Variants in SLC25A24 observed in about 807,000 individuals in gnomAD.
SLC25A24 encodes solute carrier family 25 member 24, also known as mitochondrial adenyl nucleotide antiporter SLC25A24.
Under a neutral mutation model 60.7 loss-of-function variants are expected in SLC25A24, and 49 were observed. That is an observed-to-expected ratio of 0.81 (90% CI 0.64 to 1.02). The LOEUF (loss-of-function observed/expected upper bound fraction) is 1.02. Ranked by LOEUF, SLC25A24 falls within the 50% of genes least tolerant of loss-of-function variation. The pLI, the probability that SLC25A24 is intolerant of heterozygous loss-of-function variation, is 0.00. For missense variants in SLC25A24, 564 were observed against 586.3 expected (o/e 0.96, Z 0.39); for synonymous variants, 202 against 200.6 (o/e 1.01, Z -0.06).
At chr1:108,149,090 C>G (rs1460160869) in intron 6 of SLC25A24, among the ~76,000 whole-genome samples, 1 of 152,034 alleles carries the variant, frequency 6.6e-6, no homozygotes, top group Non-Finnish European at 1.5e-5. Context: ...GATATTTTCC[C>G]CACAGTTTTT....
chr1:108,145,373 T>A (rs1380131626), intron 7 of SLC25A24, among the ~76,000 whole-genome samples: 1 of 152,188 alleles, frequency 6.6e-6, no homozygotes, highest in Non-Finnish European at 1.5e-5. Context: ...GCCGGTTCAC[T>A]CTGATGATAG....
chr1:108,180,966 A>AAGAATATTACTTTAGAAGC (rs1647905938), intron 3 of SLC25A24, among the ~76,000 whole-genome samples: 1 of 152,348 alleles, frequency 6.6e-6, no homozygotes, highest in Non-Finnish European at 1.5e-5. Context: ...ACTTTCCTAT[A>AAGAATATTACTTTAGAAGC]AGAATATTAC....
Position 108,199,983 on chromosome 1 carries a change from G to A in SLC25A24, c.156C>T (p.Gly52=). The change falls in exon 1 of 10, where the codon GGC becomes GGT. Residue 52 remains glycine, a synonymous_variant. Transcript: ENST00000565488. ...GELQEGLRNL[G]IPLGQDAEEK... is the part of the protein sequence containing the mutation. The stretch of plus-strand genomic sequence containing the variant: ...CCTCGGCGTCCTGGCCCAGAGGGAT[G>A]CCCAGGTTCCTGAGCCCCTCCTGCA... 7 of 1,610,656 alleles carry A rather than the reference G, an allele frequency of 4.3e-6. No homozygotes were observed. Among genetic ancestry groups the A allele is most frequent in the South Asian group, 1.1e-5 (1 of 90,058 alleles).
chr1:108,196,662 A>AGGAGAT (rs1462607756), intron 1 of SLC25A24, among the ~76,000 whole-genome samples: 1 of 152,224 alleles, frequency 6.6e-6, no homozygotes, highest in Non-Finnish European at 1.5e-5. Context: ...TCGAAGTGCT[A>AGGAGAT]GGAGATTTAC....
At chr1:108,168,973 C>T (rs1647340629) in intron 3 of SLC25A24, among the ~76,000 whole-genome samples, 1 of 152,194 alleles carries the variant, frequency 6.6e-6, no homozygotes, top group Admixed American at 6.5e-5. Flanking sequence ...TATAGTTTAA[C>T]TTTCACGTTT....
chr1:108,139,715 G>A (rs1349694060), intron 8 of SLC25A24, among the ~76,000 whole-genome samples: 2 of 152,040 alleles, frequency 1.3e-5, no homozygotes, highest in Admixed American at 6.6e-5. Flanking sequence ...AGGTTCAAAC[G>A]ATTCTTCTGC....
At chr1:108,164,323 G>T (rs1285741864) in intron 3 of SLC25A24, among the ~76,000 whole-genome samples, 1 of 151,316 alleles carries the variant, frequency 6.6e-6, no homozygotes, top group Non-Finnish European at 1.5e-5. Context: ...AGTTAGGGAG[G>T]ATTCCCTCTT....
chr1:108,185,945 T>TAA lies in SLC25A24; in HGVS notation c.191_192dup (p.Thr65LeufsTer18). On this transcript the variant is annotated frameshift_variant, in exon 2 of 10. Coordinates refer to ENST00000565488, the MANE Select transcript of SLC25A24 (RefSeq NM_013386.5). LOFTEE classifies it high-confidence loss of function. ...CCATCTTTGTTGACATCTCCAGTAG[T>TAA]AAAAATTTTCTATAAAAAAAAATTA... The TAA allele has an allele frequency of 2.5e-6, 4 of 1,581,192 alleles. No homozygotes were observed. Among genetic ancestry groups the TAA allele is most frequent in the Non-Finnish European group, 3.4e-6 (4 of 1,163,912 alleles).
At chr1:108,187,632 T>G (rs1227110540) in intron 1 of SLC25A24, among the ~76,000 whole-genome samples, 4 of 152,174 alleles carry the variant, frequency 2.6e-5, no homozygotes, top group African/African-American at 9.6e-5. Flanking sequence ...TAAAGAAATT[T>G]AAAGTGTAAT....
intron 3 of SLC25A24, among the ~76,000 whole-genome samples, chr1:108,163,112 C>T (rs1243187485): frequency 1.7e-4 from 22 of 127,636 alleles, no homozygotes; most frequent in Admixed American, 1.3e-3. Context: ...TGTAGATATG[C>T]GGCGTTATTT....
chr1:108,158,776 C>T (rs927823163), intron 4 of SLC25A24, among the ~76,000 whole-genome samples: 131 of 149,950 alleles, frequency 8.7e-4, no homozygotes, highest in Non-Finnish European at 2.1e-4. Context: ...GCGAGGCGGG[C>T]GGATTACAAG....
rs58815373 is a variant in SLC25A24 at position 108,155,950 on chromosome 1, A to AACACACACACAC, written c.670-827_670-816dup. Among the ~76,000 whole-genome samples, 13 of 149,146 alleles carry AACACACACACAC rather than the reference A, an allele frequency of 8.7e-5. 1 individual carries two copies. Among genetic ancestry groups the AACACACACACAC allele is most frequent in the African/African-American group, 3.2e-4 (13 of 40,484 alleles). On this transcript the variant is annotated intron_variant, in intron 5 of 9. Transcript: ENST00000565488. ...CACATAAAAGGGGTGACTACCACTA[A>AACACACACACAC]ACACACACACACACACACACACACA...
chr1:108,144,974 T>C (rs1480732159), intron 7 of SLC25A24, among the ~76,000 whole-genome samples: 1 of 152,194 alleles, frequency 6.6e-6, no homozygotes, highest in East Asian at 1.9e-4. Flanking sequence ...TCAAACGGTA[T>C]TTCTGGTTCT....
At position 108,139,121 on chromosome 1, in the gene SLC25A24, T is replaced by C; in HGVS notation, c.1186A>G (p.Ser396Gly). ...MVLLGCGALS[S>G]TCGQLASYPL... ...TAGCTGGCCAGCTGACCACAGGTGC[T>C]GGATAAGGCACCGCATCCCAGCAAC... Residue 396 changes from serine to glycine, a missense_variant, in exon 9 of 10, where the codon AGC becomes GGC. Ser to Gly is a moderately conservative substitution (Grantham distance 56). Transcript: ENST00000565488. 2.5e-6 allele frequency: 4 copies of C among 1,610,864 alleles called. No homozygotes were observed. The highest frequency in any genetic ancestry group is 3.4e-6 in the Non-Finnish European group (4 of 1,178,590).
At chr1:108,143,853 C>T in intron 7 of SLC25A24, 143 bp from the exon 8 acceptor site, 2 of 675,238 alleles carry the variant, frequency 3.0e-6, no homozygotes, top group East Asian at 5.5e-5. Context: ...CATTCTCTTT[C>T]ATGTATTACC....
intron 1 of SLC25A24, among the ~76,000 whole-genome samples, chr1:108,196,591 A>G (rs1342895500): frequency 6.6e-6 from 1 of 152,182 alleles, no homozygotes; most frequent in Non-Finnish European, 1.5e-5. Context: ...CAAAAATACT[A>G]TTGGCTTACT....
At chr1:108,140,500 G>A (rs1382250492) in intron 8 of SLC25A24, among the ~76,000 whole-genome samples, 1 of 151,970 alleles carries the variant, frequency 6.6e-6, no homozygotes, top group African/African-American at 2.4e-5. Flanking sequence ...CTATAGTATT[G>A]TAATGAAGGT....
At chr1:108,161,751 C>T (rs952757441) in intron 3 of SLC25A24, among the ~76,000 whole-genome samples, 1 of 151,902 alleles carries the variant, frequency 6.6e-6, no homozygotes, top group Non-Finnish European at 1.5e-5. Flanking sequence ...GGAAAATTAA[C>T]AGCTATTATA....
chr1:108,140,297 G>C (rs1172495542), intron 8 of SLC25A24, among the ~76,000 whole-genome samples: 1 of 151,920 alleles, frequency 6.6e-6, no homozygotes, highest in Non-Finnish European at 1.5e-5. Flanking sequence ...AATACTGTAT[G>C]GGCAAAACTG....
Sources: gnomAD v4.1 joint callset for allele counts (sites outside exome capture counted in the v4.1 genomes callset) on GRCh38, gnomAD v4.1.1 for gene constraint, MANE v1.5 for transcripts, NCBI Gene and HGNC (gene_info 2026-07-23, HGNC 2026-07-21) for gene names.